The following PLXDC2 variants were observed in gnomAD, a reference collection of about 807,000 sequenced individuals.
PLXDC2 encodes the protein plexin domain containing 2.
PLXDC2 carries 40 observed loss-of-function variants against 68.9 expected under a neutral mutation model. That is an observed-to-expected ratio of 0.58 (90% CI 0.45 to 0.76). PLXDC2 has a LOEUF of 0.76. Among genes scored for constraint, PLXDC2 ranks in the 30% least tolerant of loss-of-function variants. The pLI is 0.00. For missense variants in PLXDC2, 644 were observed against 661.9 expected (o/e 0.97, Z 0.30); for synonymous variants, 243 against 234.2 (o/e 1.04, Z -0.34).
At chr10:20,096,434 G>C (rs999201386) in intron 4 of PLXDC2, among the ~76,000 whole-genome samples, 2 of 152,064 alleles carry the variant, frequency 1.3e-5, no homozygotes, top group African/African-American at 4.8e-5. Context: ...GGAAAGATGA[G>C]GGAAGGGAGA....
rs1836168771 is a variant in PLXDC2, at chr10:20,287,308, A to G, written c.*7489A>G. ...GTGAATGACCAAAAAGAGACTTTCC[A>G]TTTATCTTCCTTTGACTTAAAAGGC... is the stretch of plus-strand genomic sequence containing the variant. On this transcript the variant is annotated 3_prime_UTR_variant, in exon 14 of 14. Transcript: ENST00000377252. 2.0e-5 allele frequency: 3 copies of G among 152,258 alleles called. No individual in the cohort carries two copies. The South Asian group carries it at 6.2e-4, about 32-fold the overall frequency. 9.4% of individuals were successfully genotyped at this position (152,258 alleles called of 1,614,324 possible).
intron 12 of PLXDC2, among the ~76,000 whole-genome samples, chr10:20,225,128 AT>A (rs1452061645): frequency 6.6e-6 from 1 of 152,192 alleles, no homozygotes; most frequent in Admixed American, 6.5e-5. Context: ...GCTGGTCTAA[AT>A]TCTATTTCTG....
chr10:19,919,296 T>G (rs1190515614), intron 1 of PLXDC2, among the ~76,000 whole-genome samples: 2 of 152,236 alleles, frequency 1.3e-5, no homozygotes, highest in African/African-American at 2.4e-5. Flanking sequence ...GGTGTGCTTT[T>G]ACAGTGTTGT....
intron 9 of PLXDC2, among the ~76,000 whole-genome samples, chr10:20,200,403 G>A (rs1443970831): frequency 1.3e-5 from 2 of 152,036 alleles, no homozygotes; most frequent in East Asian, 1.9e-4. Flanking sequence ...AGGTGAGGTT[G>A]TGTATTTTAT....
At chr10:20,191,192 G>A (rs947748478) in intron 9 of PLXDC2, among the ~76,000 whole-genome samples, 1 of 151,758 alleles carries the variant, frequency 6.6e-6, no homozygotes, top group African/African-American at 2.4e-5. Context: ...AAGATTTATT[G>A]GTTGAACAAA....
At chr10:20,044,486 T>A (rs1366900293) in intron 2 of PLXDC2, among the ~76,000 whole-genome samples, 1 of 151,714 alleles carries the variant, frequency 6.6e-6, no homozygotes, top group African/African-American at 2.4e-5. Flanking sequence ...TTTTTTGTAT[T>A]TATAGCGGAG....
Position 20,157,872 on chromosome 10 carries a change from A to T in PLXDC2, c.784-6596A>T, listed in dbSNP as rs1336142854. On this transcript the variant is annotated intron_variant, in intron 6 of 13. Coordinates refer to ENST00000377252, the MANE Select transcript of PLXDC2 (RefSeq NM_032812.9). ...TATTCATGAATGCTTTTAGGGGTCA[A>T]AATGGAAGCATATTTTAACCAGTGT... Among the ~76,000 whole-genome samples the T allele has an allele frequency of 5.3e-5, 8 of 152,200 alleles. 1 individual carries two copies. The South Asian group carries it at 1.5e-3, about 28-fold the overall frequency.
intron 4 of PLXDC2, among the ~76,000 whole-genome samples, chr10:20,092,082 G>T (rs1411549999): frequency 6.6e-6 from 1 of 152,026 alleles, no homozygotes; most frequent in African/African-American, 2.4e-5. Flanking sequence ...TATATCCTAG[G>T]GAACTGAACA....
chr10:20,261,837 A>C (rs1835812274), intron 13 of PLXDC2, among the ~76,000 whole-genome samples: 1 of 148,764 alleles, frequency 6.7e-6, no homozygotes, highest in African/African-American at 2.5e-5. Context: ...CTGGGCGCCA[A>C]GAGCAAAACT....
chr10:20,242,239 T>C (rs749918940), intron 12 of PLXDC2, among the ~76,000 whole-genome samples: 1 of 152,196 alleles, frequency 6.6e-6, no homozygotes, highest in Non-Finnish European at 1.5e-5. Flanking sequence ...AGGCCAAAGT[T>C]TTAAAAGCAA....
At chr10:19,872,946 A>T (rs540451964) in intron 1 of PLXDC2, among the ~76,000 whole-genome samples, 4 of 152,268 alleles carry the variant, frequency 2.6e-5, no homozygotes, top group Non-Finnish European at 5.9e-5. Flanking sequence ...CGTTTTCCAC[A>T]TATCTAATCT....
At chr10:19,817,220 T>C in intron 1 of PLXDC2, 29 bp downstream of exon 1, 1 of 1,531,268 alleles carries the variant, frequency 6.5e-7, no homozygotes, top group Non-Finnish European at 8.9e-7. Flanking sequence ...AGCTTGCTGA[T>C]TTTGTGCGCA....
At chr10:19,963,316 A>T (rs1834193112) in intron 1 of PLXDC2, among the ~76,000 whole-genome samples, 1 of 152,166 alleles carries the variant, frequency 6.6e-6, no homozygotes, top group South Asian at 2.1e-4. Flanking sequence ...GGAGGGCATG[A>T]TGGAAAATGT....
chr10:20,092,595 T>C (rs1253660192), intron 4 of PLXDC2, among the ~76,000 whole-genome samples: 2 of 152,138 alleles, frequency 1.3e-5, no homozygotes, highest in Non-Finnish European at 2.9e-5. Context: ...TGAATTAAAC[T>C]ATTTATGATC....
At chr10:20,201,319 A>G (rs1834914354) in intron 9 of PLXDC2, among the ~76,000 whole-genome samples, 1 of 152,084 alleles carries the variant, frequency 6.6e-6, no homozygotes, top group African/African-American at 2.4e-5. Context: ...ATTCTCATTC[A>G]TATGCAGAAG....
chr10:19,951,742 A>G (rs766031519), intron 1 of PLXDC2, among the ~76,000 whole-genome samples: 1 of 152,234 alleles, frequency 6.6e-6, no homozygotes, highest in South Asian at 2.1e-4. Context: ...TGTGGAATCA[A>G]TTCAGGTGCC....
At chr10:20,260,979 T>C (rs1247115665) in intron 13 of PLXDC2, among the ~76,000 whole-genome samples, 3 of 152,178 alleles carry the variant, frequency 2.0e-5, no homozygotes, top group South Asian at 2.1e-4. Context: ...CCTGTTGCCA[T>C]TTTTGTGACT....
Position 19,850,332 on chromosome 10 carries a change from G to A in PLXDC2, c.112+33141G>A, listed in dbSNP as rs139882010. On this transcript the variant is annotated intron_variant, in intron 1 of 13. Coordinates refer to ENST00000377252, the MANE Select transcript of PLXDC2 (RefSeq NM_032812.9). ...TTTTGAATAAGGAAAAATTAAATAT[G>A]TATTTTCCCCAGCAGTAATTTTCAG... Among the ~76,000 whole-genome samples, 430 of 149,348 alleles carry A rather than the reference G, an allele frequency of 2.9e-3. 2 individuals are homozygous for A. The highest frequency in any genetic ancestry group is 8.4e-3 in the African/African-American group (339 of 40,520).
chr10:20,034,602 C>A (rs1589597554), intron 2 of PLXDC2, among the ~76,000 whole-genome samples: 1 of 152,122 alleles, frequency 6.6e-6, no homozygotes, highest in African/African-American at 2.4e-5. Flanking sequence ...GGTTTGAGAT[C>A]TCTAATGTTT....
Sources: gnomAD v4.1 joint callset for allele counts (sites outside exome capture counted in the v4.1 genomes callset) on GRCh38, gnomAD v4.1.1 for gene constraint, MANE v1.5 for transcripts, NCBI Gene and HGNC (gene_info 2026-07-23, HGNC 2026-07-21) for gene names.